ADGRL3: variants seen among roughly 807,000 people sequenced by gnomAD.
ADGRL3 encodes calcium-independent alpha-latrotoxin receptor 3.
Under a neutral mutation model 153.5 loss-of-function variants are expected in ADGRL3, and 62 were observed. The observed-to-expected ratio is 0.40, with a 90% CI of 0.33 to 0.50. ADGRL3 has a LOEUF of 0.50. Among genes scored for constraint, ADGRL3 ranks in the 20% least tolerant of loss-of-function variants. ADGRL3 has a pLI of 0.47. For missense variants in ADGRL3, 1,641 were observed against 1,859.4 expected (o/e 0.88, Z 2.16); for synonymous variants, 710 against 672.5 (o/e 1.06, Z -0.86).
intron 9 of ADGRL3, among the ~76,000 whole-genome samples, chr4:61,834,348 C>T (rs1418244779): frequency 6.6e-6 from 1 of 152,012 alleles, no homozygotes; most frequent in East Asian, 1.9e-4. Flanking sequence ...TTTTCTTAAT[C>T]CAATCTATCA....
intron 2 of ADGRL3, among the ~76,000 whole-genome samples, chr4:61,410,585 G>A (rs2097073886): frequency 6.6e-6 from 1 of 152,118 alleles, no homozygotes; most frequent in Admixed American, 6.5e-5. Flanking sequence ...GATAATTCAA[G>A]GCATTGGCAG....
chr4:61,600,541 TC>T (rs1190467413), intron 5 of ADGRL3, among the ~76,000 whole-genome samples: 3 of 152,248 alleles, frequency 2.0e-5, no homozygotes, highest in East Asian at 3.9e-4. Flanking sequence ...AAGCCACATG[TC>T]CTGGTACACA....
At position 61,500,029 on chromosome 4, in the gene ADGRL3, CAGAGAGAGAG is replaced by C. The variant is rs10673228; in HGVS notation, c.55+2707_55+2716del. On this transcript the variant is annotated intron_variant, in intron 3 of 26. Transcript: ENST00000683033. Reference sequence around the variant, plus strand: ...ACACACACACATACACACACAGAAACAGAGAGAGAGAGAGAGAGAGAGAGAGAGAGAGAGA... The same window carrying C: ...ACACACACACATACACACACAGAAACAGAGAGAGAGAGAGAGAGAGAGAGA... Among the ~76,000 whole-genome samples, 628 of 140,526 alleles carry C rather than the reference CAGAGAGAGAG, an allele frequency of 4.5e-3. 3 individuals are homozygous for C. The highest frequency in any genetic ancestry group is 5.5e-3 in the Non-Finnish European group (360 of 65,866). The allele number at this position is 140,526 out of a possible 152,430, so 92.2% of individuals were successfully genotyped here. A position where few individuals can be genotyped will look rare whatever the true frequency, so the allele number is the denominator to read the frequency against.
chr4:61,916,631 A>G (rs2098746355), intron 13 of ADGRL3, among the ~76,000 whole-genome samples: 1 of 151,870 alleles, frequency 6.6e-6, no homozygotes, highest in Non-Finnish European at 1.5e-5. Context: ...CATGTGTCCT[A>G]TGCTGCTTCA....
intron 2 of ADGRL3, among the ~76,000 whole-genome samples, chr4:61,403,580 C>A (rs1348492011): frequency 6.6e-6 from 1 of 152,004 alleles, no homozygotes; most frequent in Non-Finnish European, 1.5e-5. Context: ...CAGTTGTATG[C>A]TTTTATAATA....
chr4:61,778,103 C>T (rs1561234388), intron 8 of ADGRL3, among the ~76,000 whole-genome samples: 3 of 152,160 alleles, frequency 2.0e-5, no homozygotes, highest in African/African-American at 7.2e-5. Flanking sequence ...AAAAGACTGT[C>T]AAAACTTTGT....
intron 1 of ADGRL3, among the ~76,000 whole-genome samples, chr4:61,330,278 A>G (rs1174570555): frequency 6.6e-6 from 1 of 152,148 alleles, no homozygotes; most frequent in African/African-American, 2.4e-5. Flanking sequence ...AGAAAAGATT[A>G]GCATTTGAAT....
intron 1 of ADGRL3, among the ~76,000 whole-genome samples, chr4:61,213,691 T>C (rs1299909260): frequency 1.3e-5 from 2 of 152,162 alleles, no homozygotes; most frequent in African/African-American, 4.8e-5. Context: ...AATTTCTCAA[T>C]GCCATTATTT....
chr4:61,978,613 T>A (rs192838970), intron 17 of ADGRL3, among the ~76,000 whole-genome samples: 3 of 152,044 alleles, frequency 2.0e-5, no homozygotes, highest in African/African-American at 7.3e-5. Flanking sequence ...TTCACAGAAG[T>A]TTTTTTAGTG....
chr4:61,284,475 G>A (rs2093851250), intron 1 of ADGRL3, among the ~76,000 whole-genome samples: 1 of 151,700 alleles, frequency 6.6e-6, no homozygotes, highest in Non-Finnish European at 1.5e-5. Flanking sequence ...TACACCACTA[G>A]GTACAGAAAA....
chr4:61,367,222 C>A (rs900660513), intron 1 of ADGRL3, among the ~76,000 whole-genome samples: 2 of 151,372 alleles, frequency 1.3e-5, no homozygotes, highest in African/African-American at 4.9e-5. Context: ...TTTTTTAAAA[C>A]TGTCGCTTTT....
At chr4:61,210,947 TA>T (rs1311050059) in intron 1 of ADGRL3, among the ~76,000 whole-genome samples, 4 of 152,188 alleles carry the variant, frequency 2.6e-5, no homozygotes, top group Admixed American at 2.6e-4. Flanking sequence ...GGCAGCCATT[TA>T]AAAAAATTAT....
chr4:61,714,325 A>G (rs1353662880), intron 6 of ADGRL3, among the ~76,000 whole-genome samples: 2 of 151,682 alleles, frequency 1.3e-5, no homozygotes, highest in East Asian at 1.9e-4. Flanking sequence ...GTTAAAGATT[A>G]TGGTGAATGT....
In ADGRL3 at chr4:61,650,626, T is replaced by C. The variant is rs371833822; in HGVS notation, c.474-26200T>C. Among the ~76,000 whole-genome samples the C allele has an allele frequency of 5.3e-5, 8 of 152,238 alleles. 1 individual carries two copies. The highest frequency in any genetic ancestry group is 1.9e-4 in the African/African-American group (8 of 41,570). On this transcript the variant is annotated intron_variant, in intron 5 of 26. Transcript: ENST00000683033. ...ATATATTTTCTGGGTTCTTTTCCTT[T>C]CTTTTTTTTGAGGGTGGGGAATTAT... is the stretch of plus-strand genomic sequence containing the variant.
At chr4:61,891,824 G>A (rs187956594) in intron 9 of ADGRL3, among the ~76,000 whole-genome samples, 4 of 152,260 alleles carry the variant, frequency 2.6e-5, no homozygotes, top group African/African-American at 7.2e-5. Flanking sequence ...TTTCCATGAT[G>A]AGAATATGAA....
intron 5 of ADGRL3, among the ~76,000 whole-genome samples, chr4:61,600,136 C>T (rs2099005066): frequency 6.6e-6 from 1 of 151,672 alleles, no homozygotes; most frequent in Non-Finnish European, 1.5e-5. Flanking sequence ...GATGAAACCC[C>T]TTCTCTACTA....
At chr4:61,408,845 A>T (rs1229848785) in intron 2 of ADGRL3, among the ~76,000 whole-genome samples, 1 of 152,028 alleles carries the variant, frequency 6.6e-6, no homozygotes, top group African/African-American at 2.4e-5. Context: ...TGCTAAGTCT[A>T]ACATACTTTC....
At chr4:61,226,999 T>C (rs1197863449) in intron 1 of ADGRL3, among the ~76,000 whole-genome samples, 1 of 146,856 alleles carries the variant, frequency 6.8e-6, no homozygotes. Context: ...AATTTTTTAG[T>C]AATCTTTGCT....
At chr4:61,588,587 T>C in intron 5 of ADGRL3, among the ~76,000 whole-genome samples, 1 of 152,148 alleles carries the variant, frequency 6.6e-6, no homozygotes, top group African/African-American at 2.4e-5. Context: ...TGTCTATTAC[T>C]AAAATGATGG....
Sources: gnomAD v4.1 joint callset for allele counts (sites outside exome capture counted in the v4.1 genomes callset) on GRCh38, gnomAD v4.1.1 for gene constraint, MANE v1.5 for transcripts, NCBI Gene and HGNC (gene_info 2026-07-23, HGNC 2026-07-21) for gene names.